The following MYO18B variants were observed in gnomAD, a reference collection of about 807,000 sequenced individuals.
MYO18B encodes myosin XVIIIB, also known as unconventional myosin-XVIIIb.
Under a neutral mutation model 273.0 loss-of-function variants are expected in MYO18B, and 204 were observed. That is an observed-to-expected ratio of 0.75 (90% CI 0.67 to 0.84). The LOEUF is 0.84. MYO18B is among the 40% of genes least tolerant of loss of function. MYO18B has a pLI of 0.00. For missense variants in MYO18B, 3,212 were observed against 3,287.6 expected (o/e 0.98, Z 0.56); for synonymous variants, 1,330 against 1,305.7 (o/e 1.02, Z -0.40).
At chr22:25,786,836 A>T (rs1239034518) in intron 11 of MYO18B, among the ~76,000 whole-genome samples, 1 of 152,238 alleles carries the variant, frequency 6.6e-6, no homozygotes, top group Non-Finnish European at 1.5e-5. Flanking sequence ...CCCAACAAAA[A>T]AGATGGGCAA....
intron 2 of MYO18B, among the ~76,000 whole-genome samples, chr22:25,761,806 T>C (rs966277094): frequency 3.9e-5 from 6 of 151,996 alleles, no homozygotes; most frequent in African/African-American, 1.4e-4. Context: ...TAAAATGGCA[T>C]TGGAAGCTGC....
rs374684532 is a variant in MYO18B, at chr22:25,866,998, C to T, written c.3886-1322C>T. ...CAGGAGGACTTAGTGAATTACTAGG[C>T]ACGCAGTACTGTTCAAGACATAGCT... On this transcript the variant is annotated intron_variant, in intron 21 of 43. Coordinates refer to ENST00000335473, the MANE Select transcript of MYO18B (RefSeq NM_032608.7). Among the ~76,000 whole-genome samples, 5 of 152,034 alleles carry T rather than the reference C, an allele frequency of 3.3e-5. No individual in the cohort carries two copies. In the East Asian group the frequency reaches 5.8e-4, roughly 18 times the overall value.
intron 31 of MYO18B, among the ~76,000 whole-genome samples, chr22:25,907,607 G>A (rs2092070601): frequency 6.6e-6 from 1 of 152,066 alleles, no homozygotes; most frequent in Non-Finnish European, 1.5e-5. Context: ...TAACATTTTG[G>A]GCAAATCATC....
At chr22:25,780,326 C>T in intron 9 of MYO18B, 128 bp downstream of exon 9, 1 of 1,196,500 alleles carries the variant, frequency 8.4e-7, no homozygotes, top group Non-Finnish European at 1.1e-6. Context: ...GGCGGTGGCT[C>T]AGGCCTGTAA....
chr22:25,819,921 A>G (rs1410821403), intron 12 of MYO18B, among the ~76,000 whole-genome samples: 1 of 150,344 alleles, frequency 6.7e-6, no homozygotes, highest in African/African-American at 2.5e-5. Flanking sequence ...ACAAATAACT[A>G]CAACTAATAA....
intron 9 of MYO18B, among the ~76,000 whole-genome samples, chr22:25,781,212 G>A (rs553909548): frequency 6.6e-6 from 1 of 152,302 alleles, no homozygotes; most frequent in East Asian, 1.9e-4. Flanking sequence ...TATTGCATTA[G>A]TTAATTTCCT....
intron 28 of MYO18B, chr22:25,896,140 C>T (rs762651147): frequency 2.6e-5 from 4 of 152,088 alleles, no homozygotes; most frequent in Non-Finnish European, 5.9e-5. Context: ...TTCTTGGTCT[C>T]AGATGTTTTG....
chr22:26,057,012 C>T, the MYO18B span, among the ~76,000 whole-genome samples: 5 of 152,098 alleles, frequency 3.3e-5, no homozygotes, highest in East Asian at 1.9e-4. Context: ...GAAAGCCTCC[C>T]GTGTACCAAG....
At chr22:25,823,116 G>GAGTT (rs781123285) in intron 12 of MYO18B, among the ~76,000 whole-genome samples, 1 of 152,186 alleles carries the variant, frequency 6.6e-6, no homozygotes, top group Non-Finnish European at 1.5e-5. Flanking sequence ...ATTGGATGAG[G>GAGTT]AGTTGAAAGG....
intron 11 of MYO18B, among the ~76,000 whole-genome samples, chr22:25,789,428 G>A (rs935260838): frequency 6.6e-6 from 1 of 151,888 alleles, no homozygotes; most frequent in Non-Finnish European, 1.5e-5. Context: ...CTGAGGTCAG[G>A]AGTTCGAGAC....
the MYO18B span, among the ~76,000 whole-genome samples, chr22:26,053,807 C>T: frequency 1.3e-5 from 2 of 152,074 alleles, no homozygotes; most frequent in African/African-American, 2.4e-5. Context: ...GAATCAGACC[C>T]GGACTAGCTA....
intron 25 of MYO18B, among the ~76,000 whole-genome samples, chr22:25,880,495 A>G (rs1207846657): frequency 1.3e-5 from 2 of 152,132 alleles, no homozygotes; most frequent in Non-Finnish European, 2.9e-5. Flanking sequence ...GTTGCACCCT[A>G]GGTAAGTGTT....
chr22:25,927,256 T>C (rs2092434569), intron 34 of MYO18B, among the ~76,000 whole-genome samples: 1 of 152,210 alleles, frequency 6.6e-6, no homozygotes, highest in East Asian at 1.9e-4. Context: ...ATTTCTCTTC[T>C]TTCAAAAGCA....
At chr22:25,808,047 G>A (rs893258038) in intron 12 of MYO18B, among the ~76,000 whole-genome samples, 1 of 152,072 alleles carries the variant, frequency 6.6e-6, no homozygotes, top group Non-Finnish European at 1.5e-5. Context: ...ACTGTGGTGG[G>A]GATGGAATGG....
At chr22:25,905,266 G>T (rs1033043084) in intron 31 of MYO18B, among the ~76,000 whole-genome samples, 1 of 152,144 alleles carries the variant, frequency 6.6e-6, no homozygotes, top group African/African-American at 2.4e-5. Flanking sequence ...GGTGGTGGGT[G>T]TTGGGGAACA....
At chr22:25,925,671 G>A (rs1005142360) in intron 34 of MYO18B, among the ~76,000 whole-genome samples, 64 of 152,012 alleles carry the variant, frequency 4.2e-4, no homozygotes, top group Non-Finnish European at 7.4e-4. Flanking sequence ...TTGGGAGGCT[G>A]AGGCGGGTGG....
At chr22:25,991,001 A>T (rs532643501) in intron 39 of MYO18B, among the ~76,000 whole-genome samples, 1 of 150,408 alleles carries the variant, frequency 6.6e-6, no homozygotes, top group African/African-American at 2.5e-5. Flanking sequence ...TTATTTGCAT[A>T]GACTTGAGCA....
Position 25,846,258 on chromosome 22 carries a change from C to G in MYO18B, c.3527C>G (p.Pro1176Arg), listed in dbSNP as rs533353146. The change falls in exon 19 of 44, where the codon CCG becomes CGG. Residue 1176 changes from proline to arginine, a missense_variant. Transcript: ENST00000335473. ...CTTGCCGCGGTGAGGAGGAAAGCCC[C>G]GTGCTCCCAGATCAAGCTGCAGATG... is the stretch of plus-strand genomic sequence containing the variant. ...SSLAAVRRKA[P>R]CSQIKLQMDA... is the part of the protein sequence containing the mutation. 2 of 1,612,002 alleles carry G rather than the reference C, an allele frequency of 1.2e-6. No individual in the cohort carries two copies. The highest frequency in any genetic ancestry group is 2.2e-5 in the East Asian group (1 of 44,878).
chr22:25,975,390 T>C (rs1569254737), intron 39 of MYO18B, among the ~76,000 whole-genome samples: 1 of 152,248 alleles, frequency 6.6e-6, no homozygotes, highest in South Asian at 2.1e-4. Flanking sequence ...CATCCTAATA[T>C]CATATAGTCT....
Sources: gnomAD v4.1 joint callset for allele counts (sites outside exome capture counted in the v4.1 genomes callset) on GRCh38, gnomAD v4.1.1 for gene constraint, MANE v1.5 for transcripts, NCBI Gene and HGNC (gene_info 2026-07-23, HGNC 2026-07-21) for gene names.